The following TNMD variants were observed in gnomAD, a reference collection of about 807,000 sequenced individuals.
The protein encoded by TNMD is tenomodulin, also known as BRICHOS domain containing 4.
Under a neutral mutation model 26.9 loss-of-function variants are expected in TNMD, and 15 were observed. That is an observed-to-expected ratio of 0.56 (90% CI 0.37 to 0.86). The LOEUF (loss-of-function observed/expected upper bound fraction) is 0.86. Among genes scored for constraint, TNMD ranks in the 40% least tolerant of loss-of-function variants. The probability of loss-of-function intolerance (pLI) is 0.00; values close to 1 mark genes in which losing one functional copy is unlikely to be tolerated. For missense variants in TNMD, 222 were observed against 242.6 expected (o/e 0.92, Z 0.56); for synonymous variants, 73 against 77.0 (o/e 0.95, Z 0.27).
chrX:100,591,309 A>G (rs1034241499), intron 2 of TNMD, among the ~76,000 whole-genome samples: 1 of 111,871 alleles, frequency 8.9e-6, no homozygotes. Context: ...TCTTCAGGCC[A>G]GTCATCCTGT....
chrX:100,589,115 G>T (rs773306609), intron 2 of TNMD, among the ~76,000 whole-genome samples: 1 of 110,856 alleles, frequency 9.0e-6, no homozygotes, highest in East Asian at 2.9e-4. Flanking sequence ...CATTTTGTGC[G>T]TGCCTATTTC....
At chrX:100,598,440 T>C (rs1444997481) in intron 5 of TNMD, among the ~76,000 whole-genome samples, 6 of 112,048 alleles carry the variant, frequency 5.4e-5, no homozygotes, top group Non-Finnish European at 9.4e-5. Flanking sequence ...GAATAAAGTC[T>C]GTAGTTTAGT....
chrX:100,595,299 T>C (rs1157912506), intron 4 of TNMD, among the ~76,000 whole-genome samples: 1 of 111,032 alleles, frequency 9.0e-6, no homozygotes, highest in African/African-American at 3.3e-5. Flanking sequence ...TTTGTATTTT[T>C]AGTAGAGACG....
At chrX:100,592,861 G>A (rs12007674) in intron 2 of TNMD, among the ~76,000 whole-genome samples, 42,765 of 110,357 alleles carry the variant, frequency 0.39, 6,110 homozygotes, top group East Asian at 0.65. Flanking sequence ...TAGTTTCCCA[G>A]ATTTTTTTCA....
At chrX:100,585,135 T>C in intron 1 of TNMD, 69 bp downstream of exon 1, 9 of 1,181,229 alleles carry the variant, frequency 7.6e-6, no homozygotes, top group Non-Finnish European at 9.2e-6. Context: ...TATTGCAAAG[T>C]GAACATTAGA....
At chrX:100,591,387 C>T (rs1339672215) in intron 2 of TNMD, among the ~76,000 whole-genome samples, 2 of 111,832 alleles carry the variant, frequency 1.8e-5, no homozygotes, top group Non-Finnish European at 3.8e-5. Flanking sequence ...AGACCTTCAA[C>T]CCCTGAGCCA....
chrX:100,588,572 G>A (rs905189002), intron 2 of TNMD, among the ~76,000 whole-genome samples: 1 of 111,608 alleles, frequency 9.0e-6, no homozygotes, highest in Non-Finnish European at 1.9e-5. Flanking sequence ...GGCAGTGACT[G>A]CCCTGGGATC....
At chrX:100,597,756 T>C (rs2090945092) in intron 5 of TNMD, 99 bp downstream of exon 5, 1 of 900,712 alleles carries the variant, frequency 1.1e-6, no homozygotes, top group African/African-American at 2.0e-5. Context: ...AAACAAATGA[T>C]CGGTTTATAT....
At chrX:100,592,980 A>G (rs1477180894) in intron 2 of TNMD, among the ~76,000 whole-genome samples, 1 of 112,290 alleles carries the variant, frequency 8.9e-6, no homozygotes, top group Non-Finnish European at 1.9e-5. Flanking sequence ...TGTGACAGAT[A>G]ACAAATTCCT....
At position 100,585,290 on chromosome X, in the gene TNMD, T is replaced by C. The variant is rs1054838522; in HGVS notation, c.108T>C (p.Phe36=). The stretch of plus-strand genomic sequence containing the variant: ...CACTTAAGATTTGTGGACTGGTGTT[T>C]GGTATCCTGGCCCTAACTCTAATTG... ...CKSLKICGLV[F]GILALTLIVL... The change falls in exon 2 of 7, where the codon TTT becomes TTC. Residue 36 remains phenylalanine, a synonymous_variant. Transcript: ENST00000373031. 8.3e-7 allele frequency: 1 copy of C among 1,210,625 alleles called. No homozygotes were observed. The highest frequency in any genetic ancestry group is 1.1e-6 in the Non-Finnish European group (1 of 894,566).
intron 4 of TNMD, among the ~76,000 whole-genome samples, chrX:100,596,752 C>T (rs2082954190): frequency 9.0e-6 from 1 of 111,481 alleles, no homozygotes; most frequent in Non-Finnish European, 1.9e-5. Flanking sequence ...TAAATGATTC[C>T]GGGAGAAATT....
intron 4 of TNMD, 62 bp downstream of exon 4, chrX:100,594,424 C>A: frequency 1.4e-6 from 1 of 691,618 alleles, no homozygotes; most frequent in South Asian, 3.3e-5. Flanking sequence ...AGCTATGTGC[C>A]AAACATTGTA....
intron 6 of TNMD, 116 bp downstream of exon 6, chrX:100,599,298 A>G: frequency 1.3e-6 from 1 of 766,622 alleles, no homozygotes; most frequent in Non-Finnish European, 1.8e-6. Context: ...TAACAAAAAA[A>G]AAAAAATGTT....
Position 100,599,704 on chromosome X carries a change from T to A in TNMD, c.941T>A (p.Leu314Gln). The A allele has an allele frequency of 8.3e-7, 1 of 1,211,011 alleles. No homozygotes were observed. The highest frequency in any genetic ancestry group is 1.1e-6 in the Non-Finnish European group (1 of 895,081). The change falls in exon 7 of 7, where the codon CTG becomes CAG. Residue 314 changes from leucine to glutamine, a missense_variant. Leu to Gln is a moderately radical substitution (Grantham distance 113). Transcript: ENST00000373031. ...MPCNWWVARM[L>Q]GRV ...TGTAACTGGTGGGTGGCCCGCATGCTGGGGAGGGTCTAATAGGAGGTTTGA... is the reference window on the plus strand; with the variant it reads ...TGTAACTGGTGGGTGGCCCGCATGCAGGGGAGGGTCTAATAGGAGGTTTGA...
chrX:100,594,341 A>C lies in TNMD; in HGVS notation c.402A>C (p.Glu134Asp). ...TTAAAGTGATTCCTGAATTTTCTGA[A>C]CCAGAAGAGGAAATAGATGAGGTAT... Reference protein sequence around the residue: ...TQIKVIPEFSEPEEEIDENEE... With the variant: ...TQIKVIPEFSDPEEEIDENEE... The change falls in exon 4 of 7, where the codon GAA becomes GAC. Residue 134 changes from glutamate (E) to aspartate (D), a missense_variant. Physicochemically the swap from Glu to Asp is conservative, Grantham distance 45. Transcript: ENST00000373031. 1 of 1,187,410 alleles carries C rather than the reference A, an allele frequency of 8.4e-7. No individual in the cohort carries two copies. Among genetic ancestry groups the C allele is most frequent in the African/African-American group, 1.7e-5 (1 of 57,264 alleles).
chrX:100,590,644 C>CTGAG (rs2082934579), intron 2 of TNMD, among the ~76,000 whole-genome samples: 4 of 111,643 alleles, frequency 3.6e-5, no homozygotes, highest in Admixed American at 1.9e-4. Context: ...TGGACTTAAC[C>CTGAG]ACATATCTGT....
intron 3 of TNMD, 76 bp from the exon 4 acceptor site, chrX:100,594,185 G>T (rs1476893434): frequency 1.0e-6 from 1 of 967,792 alleles, no homozygotes; most frequent in South Asian, 2.7e-5. Context: ...TGCTAGTCTG[G>T]GACCCCAACA....
At position 100,593,907 on chromosome X, in the gene TNMD, G is replaced by A. The variant is rs1049578127; in HGVS notation, c.193G>A (p.Glu65Lys). The change falls in exon 3 of 7, where the codon GAG becomes AAG. Residue 65 changes from glutamate to lysine, a missense_variant. Coordinates refer to ENST00000373031, the MANE Select transcript of TNMD (RefSeq NM_022144.3). ...PEVPKKAYDMEHTFYSNGEKK... is the reference protein window; with the variant it reads ...PEVPKKAYDMKHTFYSNGEKK... Reference sequence around the variant, plus strand: ...TCTGTTCTCCCAGGCCTATGACATGGAGCACACTTTCTACAGCAATGGAGA... The same window carrying A: ...TCTGTTCTCCCAGGCCTATGACATGAAGCACACTTTCTACAGCAATGGAGA... 19 of 1,207,768 alleles carry A rather than the reference G, an allele frequency of 1.6e-5. No individual in the cohort carries two copies. Among genetic ancestry groups the A allele is most frequent in the Non-Finnish European group, 2.0e-5 (18 of 894,312 alleles).
In TNMD at chrX:100,585,258, T is replaced by C. The variant is rs753329442; in HGVS notation, c.76T>C (p.Cys26Arg). 6 of 1,210,212 alleles carry C rather than the reference T, an allele frequency of 5.0e-6. No homozygotes were observed. The highest frequency in any genetic ancestry group is 6.7e-6 in the Non-Finnish European group (6 of 894,286). ...AGAAGCTTTTAAATCCAAGAAAATATGTAAATCACTTAAGATTTGTGGACT... is the reference window on the plus strand; with the variant it reads ...AGAAGCTTTTAAATCCAAGAAAATACGTAAATCACTTAAGATTTGTGGACT... ...NAEAFKSKKI[C>R]KSLKICGLVF... is the part of the protein sequence containing the mutation. The change falls in exon 2 of 7, where the codon TGT becomes CGT. Residue 26 changes from cysteine (C) to arginine (R), a missense_variant. Coordinates refer to ENST00000373031, the MANE Select transcript of TNMD (RefSeq NM_022144.3).
Sources: allele counts gnomAD v4.1 joint callset (sites outside exome capture counted in the v4.1 genomes callset), GRCh38; gene constraint gnomAD v4.1.1; transcripts MANE v1.5; gene names NCBI Gene and HGNC (gene_info 2026-07-23, HGNC 2026-07-21).